PDE4D: variants seen among roughly 807,000 people sequenced by gnomAD.
PDE4D encodes 3',5'-cyclic-AMP phosphodiesterase 4D.
A neutral mutation model predicts 87.4 loss-of-function variants in PDE4D; 24 were observed. That is an observed-to-expected ratio of 0.27 (90% CI 0.20 to 0.39). The LOEUF is 0.39. PDE4D is among the 10% of genes least tolerant of loss of function. PDE4D has a pLI of 1.00. For synonymous variants in PDE4D, 384 were observed against 383.2 expected (o/e 1.00, Z -0.02); for missense variants, 714 against 1,041.0 (o/e 0.69, Z 4.32).
chr5:60,087,710 A>G (rs1774684888), intron 2 of PDE4D, among the ~76,000 whole-genome samples: 1 of 152,126 alleles, frequency 6.6e-6, no homozygotes. Flanking sequence ...GAGAAGCAAA[A>G]GGAAAAAGAA....
chr5:59,892,235 C>T (rs1751059462), intron 1 of PDE4D, among the ~76,000 whole-genome samples: 1 of 152,180 alleles, frequency 6.6e-6, no homozygotes, highest in Non-Finnish European at 1.5e-5. Context: ...TGTAATTGGT[C>T]CTTTACTCAT....
chr5:60,342,461 G>A (rs534042593), intron 1 of PDE4D, among the ~76,000 whole-genome samples: 1 of 152,204 alleles, frequency 6.6e-6, no homozygotes, highest in Non-Finnish European at 1.5e-5. Context: ...GTCTCATAGG[G>A]TTGTTACAAG....
chr5:59,390,121 T>G (rs1264852053), intron 1 of PDE4D, among the ~76,000 whole-genome samples: 1 of 152,110 alleles, frequency 6.6e-6, no homozygotes, highest in Non-Finnish European at 1.5e-5. Flanking sequence ...TATGTATAAT[T>G]ATTATGCATC....
At chr5:60,312,217 C>T (rs544210198) in intron 1 of PDE4D, among the ~76,000 whole-genome samples, 2 of 152,280 alleles carry the variant, frequency 1.3e-5, no homozygotes, top group Admixed American at 1.3e-4. Flanking sequence ...ATCTACAGAA[C>T]TCTCCAACCA....
At chr5:60,229,056 A>G (rs1166801171) in intron 1 of PDE4D, among the ~76,000 whole-genome samples, 3 of 152,162 alleles carry the variant, frequency 2.0e-5, no homozygotes, top group African/African-American at 7.2e-5. Flanking sequence ...AACAATTTCA[A>G]TATAAGTCTG....
At chr5:60,483,157 T>C (rs1193164706) in intron 1 of PDE4D, among the ~76,000 whole-genome samples, 1 of 152,166 alleles carries the variant, frequency 6.6e-6, no homozygotes, top group Non-Finnish European at 1.5e-5. Flanking sequence ...TTTTTATGTT[T>C]CTTTTCTGGG....
At chr5:60,212,567 T>G (rs1027669819) in intron 1 of PDE4D, among the ~76,000 whole-genome samples, 2 of 152,176 alleles carry the variant, frequency 1.3e-5, no homozygotes, top group African/African-American at 4.8e-5. Flanking sequence ...TTTCCAGAGT[T>G]CAGTTTTTCC....
intron 1 of PDE4D, among the ~76,000 whole-genome samples, chr5:59,361,329 C>T (rs1485900835): frequency 6.6e-6 from 1 of 152,072 alleles, no homozygotes; most frequent in African/African-American, 2.4e-5. Flanking sequence ...ATCTTGAAAT[C>T]AATGTAGACT....
rs370376665 is a variant in PDE4D at position 60,029,144 on chromosome 5, G to A, written c.43-40427C>T. Among the ~76,000 whole-genome samples, 64 of 152,272 alleles carry A rather than the reference G, an allele frequency of 4.2e-4. No individual in the cohort carries two copies. In the South Asian group the frequency reaches 0.012, roughly 30 times the overall value. On this transcript the variant is annotated intron_variant, in intron 2 of 16. Transcript: ENST00000502484. ...CAAGTATAATTTTGTTACATGCATAGATTGCATAGCAGTGAAGTCAGGGCT... is the reference window on the plus strand; with the variant it reads ...CAAGTATAATTTTGTTACATGCATAAATTGCATAGCAGTGAAGTCAGGGCT...
intron 1 of PDE4D, among the ~76,000 whole-genome samples, chr5:59,493,737 CGA>C (rs752921642): frequency 1.3e-5 from 2 of 152,034 alleles, no homozygotes; most frequent in Non-Finnish European, 2.9e-5. Flanking sequence ...GAATGAATAA[CGA>C]GAGAGATGTG....
At chr5:60,282,898 T>A (rs1321822384) in intron 1 of PDE4D, among the ~76,000 whole-genome samples, 1 of 152,224 alleles carries the variant, frequency 6.6e-6, no homozygotes, top group Non-Finnish European at 1.5e-5. Flanking sequence ...GTCCGAAATC[T>A]TTTTAAATGT....
chr5:59,535,961 G>A lies in PDE4D; in HGVS notation c.456-319993C>T, dbSNP rs376146490. 4.6e-5 allele frequency among the ~76,000 whole-genome samples: 7 copies of A among 152,280 alleles called. No homozygotes were observed. In the East Asian group the frequency reaches 1.2e-3, roughly 25 times the overall value. On this transcript the variant is annotated intron_variant, in intron 1 of 14. Coordinates refer to ENST00000340635, the MANE Select transcript of PDE4D (RefSeq NM_001104631.2). ...CCTGAAAAAGATCAGCACATGTGTT[G>A]TCTTAATATAGCACAGTAACATTAC... is the stretch of plus-strand genomic sequence containing the variant.
intron 3 of PDE4D, among the ~76,000 whole-genome samples, chr5:59,914,827 G>T (rs1050435324): frequency 7.0e-6 from 1 of 143,586 alleles, no homozygotes; most frequent in African/African-American, 2.6e-5. Flanking sequence ...TAGGAGAAGG[G>T]GAAGTATAGT....
At chr5:59,828,210 A>G (rs1209659279) in intron 1 of PDE4D, among the ~76,000 whole-genome samples, 1 of 152,054 alleles carries the variant, frequency 6.6e-6, no homozygotes, top group Non-Finnish European at 1.5e-5. Context: ...GAGAGAAAAA[A>G]TGATCTAGAA....
At chr5:59,487,677 C>G (rs2153658831) in intron 1 of PDE4D, among the ~76,000 whole-genome samples, 1 of 151,886 alleles carries the variant, frequency 6.6e-6, no homozygotes, top group East Asian at 1.9e-4. Flanking sequence ...AAAAAACATG[C>G]CGGAAAGGAG....
chr5:59,585,403 C>T (rs1397125234), intron 1 of PDE4D, among the ~76,000 whole-genome samples: 3 of 152,144 alleles, frequency 2.0e-5, no homozygotes, highest in Non-Finnish European at 4.4e-5. Flanking sequence ...ATCCAGAGTC[C>T]AGCCAGAACA....
intron 2 of PDE4D, among the ~76,000 whole-genome samples, chr5:59,997,420 AT>A (rs1208243204): frequency 6.6e-6 from 1 of 152,186 alleles, no homozygotes; most frequent in Non-Finnish European, 1.5e-5. Flanking sequence ...TATTGTCTTC[AT>A]TCTCAAGTTT....
At chr5:59,774,459 AAT>A (rs1303588218) in intron 1 of PDE4D, among the ~76,000 whole-genome samples, 1 of 152,170 alleles carries the variant, frequency 6.6e-6, no homozygotes, top group African/African-American at 2.4e-5. Context: ...GAACAAAACA[AAT>A]ATATGTCTTG....
At chr5:59,151,586 C>T (rs931440891) in intron 5 of PDE4D, among the ~76,000 whole-genome samples, 1 of 152,132 alleles carries the variant, frequency 6.6e-6, no homozygotes, top group African/African-American at 2.4e-5. Flanking sequence ...AATGAAATTC[C>T]TCTTTATAAT....
Sources: gnomAD v4.1 joint callset for allele counts (sites outside exome capture counted in the v4.1 genomes callset) on GRCh38, gnomAD v4.1.1 for gene constraint, MANE v1.5 for transcripts, NCBI Gene and HGNC (gene_info 2026-07-23, HGNC 2026-07-21) for gene names.